Variants in CYP4F12 observed in about 807,000 individuals in gnomAD.
CYP4F12 encodes the protein cytochrome P450 4F12.
CYP4F12 carries 60 observed loss-of-function variants against 56.5 expected under a neutral mutation model. The ratio of observed to expected loss-of-function variants is 1.06; its 90% CI spans 0.86 to 1.32. CYP4F12 has a LOEUF of 1.32. CYP4F12 is among the 40% of genes most tolerant of loss of function. The pLI, the probability that CYP4F12 is intolerant of heterozygous loss-of-function variation, is 0.00. For missense variants in CYP4F12, 711 were observed against 683.5 expected, an observed-to-expected ratio of 1.04 and a Z score of -0.45; for synonymous variants, 263 against 264.9, an observed-to-expected ratio of 0.99 and a Z score of 0.07.
chr19:15,678,586 G>A, intron 3 of CYP4F12, 181 bp downstream of exon 3: 2 of 830,758 alleles, frequency 2.4e-6, no homozygotes, highest in South Asian at 3.6e-5. Flanking sequence ...GCTCCAAGAG[G>A]CCTCAATTCA....
Position 15,684,858 on chromosome 19 carries a change from G to A in CYP4F12, c.961G>A (p.Glu321Lys). Residue 321 changes from glutamate (E) to lysine (K), a missense_variant, in exon 8 of 13, where the codon GAG becomes AAG. By Grantham distance (56) the Glu-to-Lys change is moderately conservative (BLOSUM62 1). Coordinates refer to ENST00000550308, the MANE Select transcript of CYP4F12 (RefSeq NM_023944.4). ...KALSDEDIRA[E>K]ADTFMFGGHD... The stretch of plus-strand genomic sequence containing the variant: ...ATTGTCAGATGAGGATATAAGAGCA[G>A]AGGCTGACACCTTCATGTTTGGAGG... The A allele has an allele frequency of 6.2e-7, 1 of 1,608,718 alleles. No homozygotes were observed. The highest frequency in any genetic ancestry group is 2.2e-5 in the East Asian group (1 of 44,834).
chr19:15,694,619 A>G (rs1206304119), intron 9 of CYP4F12, among the ~76,000 whole-genome samples: 4 of 152,200 alleles, frequency 2.6e-5, no homozygotes, highest in South Asian at 2.1e-4. Flanking sequence ...TAGATATACA[A>G]TCATGTCATC....
intron 2 of CYP4F12, 33 bp downstream of exon 2, chr19:15,673,760 C>T (rs1216821835): frequency 1.9e-6 from 3 of 1,609,960 alleles, no homozygotes; most frequent in East Asian, 2.2e-5. Flanking sequence ...TCTGGGGTCT[C>T]AGGGTGGATG....
At position 15,692,952 on chromosome 19, in the gene CYP4F12, C is replaced by T. The variant is rs2007941643; in HGVS notation, c.1116-2984C>T. ...AATTAGCTGGCTGTTGTGGTGAATG[C>T]CTGTAGTCCCAGCTACTTGGGAGGC... On this transcript the variant is annotated intron_variant, in intron 9 of 12. Transcript: ENST00000550308. Among the ~76,000 whole-genome samples the T allele has an allele frequency of 2.0e-5, 3 of 152,012 alleles. No homozygotes were observed. The South Asian group carries it at 6.2e-4, about 32-fold the overall frequency.
intron 8 of CYP4F12, 88 bp from the exon 9 acceptor site, chr19:15,684,980 C>T: frequency 6.4e-7 from 1 of 1,569,736 alleles, no homozygotes; most frequent in Middle Eastern, 1.7e-4. Context: ...GCCCATCTTC[C>T]CCCTCCCTCC....
chr19:15,692,948 A>G (rs1260077012), intron 9 of CYP4F12, among the ~76,000 whole-genome samples: 1 of 152,014 alleles, frequency 6.6e-6, no homozygotes, highest in African/African-American at 2.4e-5. Context: ...TGTTGTGGTG[A>G]ATGCCTGTAG....
At chr19:15,696,262 C>T in intron 11 of CYP4F12, 37 bp downstream of exon 11, 1 of 1,613,418 alleles carries the variant, frequency 6.2e-7, no homozygotes, top group Non-Finnish European at 8.5e-7. Flanking sequence ...CACCCCCATC[C>T]TCTACTTTTG....
At chr19:15,680,945 T>G in intron 5 of CYP4F12, 1 of 308,332 alleles carries the variant, frequency 3.2e-6, no homozygotes, top group South Asian at 2.8e-5. Flanking sequence ...GGGGGGCAGC[T>G]TTGCTGATCC....
intron 9 of CYP4F12, among the ~76,000 whole-genome samples, chr19:15,692,273 TAAATCA>T (rs1202270083): frequency 6.6e-6 from 1 of 152,220 alleles, no homozygotes; most frequent in Non-Finnish European, 1.5e-5. Flanking sequence ...TTTTTGTTGT[TAAATCA>T]ACCCCTGCAA....
intron 5 of CYP4F12, chr19:15,680,842 AG>A: frequency 2.7e-6 from 1 of 376,414 alleles, no homozygotes; most frequent in South Asian, 2.2e-5. Flanking sequence ...TAGAGCCATA[AG>A]GGTTTACAAT....
Position 15,678,032 on chromosome 19 carries a change from A to ACTCACTCATTCCTCTGCT in CYP4F12, c.199-228_199-227insTCACTCATTCCTCTGCTC. On this transcript the variant is annotated intron_variant, in intron 2 of 12. Coordinates refer to ENST00000550308, the MANE Select transcript of CYP4F12 (RefSeq NM_023944.4). Reference sequence around the variant, plus strand: ...TCTCCTCACTCACTCCTTCCTCTCCACACTCACTCATTCCTCTCCTCACTC... The same window carrying ACTCACTCATTCCTCTGCT: ...TCTCCTCACTCACTCCTTCCTCTCCACTCACTCATTCCTCTGCTCACTCACTCATTCCTCTCCTCACTC... Among the ~76,000 whole-genome samples the ACTCACTCATTCCTCTGCT allele has an allele frequency of 1.1e-3, 2 of 1,866 alleles. 1 individual carries two copies. The highest frequency in any genetic ancestry group is 2.7e-3 in the African/African-American group (2 of 750). 1.2% of individuals were successfully genotyped at this position (1,866 alleles called of 152,430 possible).
At chr19:15,685,852 G>A (rs659447) in intron 9 of CYP4F12, among the ~76,000 whole-genome samples, 17,208 of 151,876 alleles carry the variant, frequency 0.11, 1,700 homozygotes, top group East Asian at 0.57. Context: ...CCTACCCTCC[G>A]GTCCAGTCCA....
chr19:15,688,511 A>G (rs1174568391), intron 9 of CYP4F12, among the ~76,000 whole-genome samples: 1 of 152,258 alleles, frequency 6.6e-6, no homozygotes, highest in Non-Finnish European at 1.5e-5. Flanking sequence ...GGAAGAATCA[A>G]TATTGTGAAA....
At position 15,682,408 on chromosome 19, in the gene CYP4F12, C is replaced by T; in HGVS notation, c.545C>T (p.Ala182Val). Residue 182 changes from alanine to valine, a missense_variant, in exon 6 of 13, where the codon GCC becomes GTC. By Grantham distance (64) the Ala-to-Val change is moderately conservative. Coordinates refer to ENST00000550308, the MANE Select transcript of CYP4F12 (RefSeq NM_023944.4). ...GGCCAGGACAAGTGGCAGCACCTGG[C>T]CTCAGAGGGCAGCAGTCGTCTGGAC... ...NIMLDKWQHLASEGSSRLDMF... is the reference protein window; with the variant it reads ...NIMLDKWQHLVSEGSSRLDMF... 1.2e-6 allele frequency: 2 copies of T among 1,613,376 alleles called. No homozygotes were observed. Among genetic ancestry groups the T allele is most frequent in the Non-Finnish European group, 1.7e-6 (2 of 1,179,454 alleles).
chr19:15,681,177 A>T (rs1034974478), intron 5 of CYP4F12: 2 of 160,058 alleles, frequency 1.2e-5, no homozygotes, highest in African/African-American at 4.8e-5. Flanking sequence ...TGAGTCTATT[A>T]GAGTTATTAC....
rs181579308 is a variant in CYP4F12 at position 15,674,986 on chromosome 19, C to G, written c.198+1259C>G. 5.3e-5 allele frequency among the ~76,000 whole-genome samples: 8 copies of G among 152,358 alleles called. 1 individual carries two copies. The highest frequency in any genetic ancestry group is 5.2e-4 in the Admixed American group (8 of 15,308). ...GGCCCATTTGCTTGTATCTGCCCAT[C>G]TCTGGGCTGCTGCTTTCCCGCAGGA... On this transcript the variant is annotated intron_variant, in intron 2 of 12. Transcript: ENST00000550308.
intron 9 of CYP4F12, among the ~76,000 whole-genome samples, chr19:15,692,768 C>T (rs2007930160): frequency 6.6e-6 from 1 of 152,062 alleles, no homozygotes; most frequent in African/African-American, 2.4e-5. Flanking sequence ...AAGTGATAAA[C>T]TGTTAAATGA....
In CYP4F12 at chr19:15,683,649, C is replaced by T. The variant is rs375796705; in HGVS notation, c.804C>T (p.Asp268=). 5.1e-5 allele frequency: 82 copies of T among 1,613,754 alleles called. No homozygotes were observed. Among genetic ancestry groups the T allele is most frequent in the Non-Finnish European group, 6.3e-5 (74 of 1,179,898 alleles). Reference sequence around the variant, plus strand: ...GCCGCCTGGTGCATGACTTCACAGACGCTGTCATCCGGGAGCGGCGTCGCA... The same window carrying T: ...GCCGCCTGGTGCATGACTTCACAGATGCTGTCATCCGGGAGCGGCGTCGCA... ...RACRLVHDFT[D]AVIRERRRTL... Residue 268 remains aspartate (D), a synonymous_variant, in exon 7 of 13, where the codon GAC becomes GAT. Transcript: ENST00000550308.
chr19:15,680,600 C>A (rs754352800), intron 5 of CYP4F12, 81 bp downstream of exon 5: 1 of 1,591,276 alleles, frequency 6.3e-7, no homozygotes, highest in African/African-American at 1.3e-5. Context: ...AATTTTGGCT[C>A]TTCTGGGTGG....
Sources: allele counts gnomAD v4.1 joint callset (sites outside exome capture counted in the v4.1 genomes callset), GRCh38; gene constraint gnomAD v4.1.1; transcripts MANE v1.5; gene names NCBI Gene and HGNC (gene_info 2026-07-23, HGNC 2026-07-21).